The following RUFY3 variants were observed in gnomAD, a reference collection of about 807,000 sequenced individuals.
RUFY3 encodes RUN and FYVE domain containing 3, also known as protein RUFY3.
A neutral mutation model predicts 84.0 loss-of-function variants in RUFY3; 34 were observed. That is an observed-to-expected ratio of 0.40 (90% CI 0.31 to 0.54). The LOEUF (loss-of-function observed/expected upper bound fraction) is 0.54, where lower values mean the gene tolerates loss of function less well. Ranked by LOEUF, RUFY3 falls within the 20% of genes least tolerant of loss-of-function variation. RUFY3 has a pLI of 0.39. For synonymous variants in RUFY3, 242 were observed against 252.9 expected (o/e 0.96, Z 0.41); for missense variants, 507 against 736.8 (o/e 0.69, Z 3.61).
intron 1 of RUFY3, among the ~76,000 whole-genome samples, chr4:70,741,162 A>AT (rs767040156): frequency 0.066 from 9,414 of 143,110 alleles, 734 homozygotes; most frequent in African/African-American, 0.19. Flanking sequence ...AAGTATTTGG[A>AT]TTTTTTTTTT....
intron 5 of RUFY3, among the ~76,000 whole-genome samples, chr4:70,769,787 C>G (rs1424408915): frequency 6.6e-6 from 1 of 152,058 alleles, no homozygotes; most frequent in Non-Finnish European, 1.5e-5. Flanking sequence ...GATGTGCTGT[C>G]TTTGTTGTAC....
Position 70,806,936 on chromosome 4 carries a change from A to G in RUFY3, c.*277A>G, listed in dbSNP as rs1043903. 117,155 of 268,396 alleles carry G rather than the reference A, an allele frequency of 0.44. 28,250 individuals carry two copies. Among genetic ancestry groups the G allele is most frequent in the African/African-American group, 0.72 (32,950 of 45,506 alleles). The allele number at this position is 268,396 out of a possible 1,614,324, so 16.6% of individuals were successfully genotyped here. ...TTTGCTTTATAGCATATCTTTGGAA[A>G]GGCAACTCATTTTTATGATTAGTGA... On this transcript the variant is annotated 3_prime_UTR_variant, in exon 18 of 18. Coordinates refer to ENST00000381006, the MANE Select transcript of RUFY3 (RefSeq NM_001037442.4).
intron 6 of RUFY3, among the ~76,000 whole-genome samples, chr4:70,774,644 A>AAAAAAT (rs1553916771): frequency 2.5e-4 from 14 of 56,662 alleles, no homozygotes; most frequent in East Asian, 6.4e-4. Flanking sequence ...AAAAAAAAAA[A>AAAAAAT]ATATATATAT....
chr4:70,772,712 G>A (rs1727171428), intron 5 of RUFY3, among the ~76,000 whole-genome samples: 2 of 151,650 alleles, frequency 1.3e-5, no homozygotes, highest in African/African-American at 4.8e-5. Flanking sequence ...CCAGGCTGGA[G>A]TGCAATGGTG....
intron 7 of RUFY3, among the ~76,000 whole-genome samples, chr4:70,776,690 G>T (rs567729013): frequency 2.6e-5 from 4 of 152,268 alleles, no homozygotes; most frequent in Non-Finnish European, 5.9e-5. Context: ...GCAGGAGAAC[G>T]GCGTGAACCC....
intron 4 of RUFY3, among the ~76,000 whole-genome samples, chr4:70,765,209 G>GTATATATA (rs59630867): frequency 1.5e-5 from 2 of 137,216 alleles, no homozygotes; most frequent in South Asian, 2.3e-4. Flanking sequence ...AAAAAAATGT[G>GTATATATA]TATATATATA....
chr4:70,791,123 CT>C, intron 12 of RUFY3: 2 of 837,404 alleles, frequency 2.4e-6, no homozygotes, highest in Non-Finnish European at 3.8e-6. Context: ...TGACTTATCT[CT>C]TTGAGTATTA....
At chr4:70,715,900 T>G (rs1047654839) in intron 1 of RUFY3, among the ~76,000 whole-genome samples, 3 of 151,990 alleles carry the variant, frequency 2.0e-5, no homozygotes, top group Non-Finnish European at 4.4e-5. Flanking sequence ...GATCACGAGG[T>G]CAGGAGATCA....
At chr4:70,768,424 G>T in intron 4 of RUFY3, 114 bp from the exon 5 acceptor site, 4 of 843,932 alleles carry the variant, frequency 4.7e-6, no homozygotes, top group Non-Finnish European at 5.3e-6. Flanking sequence ...TTTGTAGATG[G>T]CTATAATCAA....
chr4:70,780,075 A>G (rs1369222702), intron 8 of RUFY3, among the ~76,000 whole-genome samples: 2 of 152,092 alleles, frequency 1.3e-5, no homozygotes, highest in African/African-American at 4.8e-5. Context: ...AAATTTTTAA[A>G]TTTTATATAT....
intron 1 of RUFY3, chr4:70,734,320 G>C (rs1265068161): frequency 2.7e-6 from 2 of 747,408 alleles, no homozygotes; most frequent in Non-Finnish European, 3.3e-6. Context: ...ATTGTTCTTT[G>C]CTTTCACTGT....
At chr4:70,706,976 G>C (rs933498407) in intron 1 of RUFY3, among the ~76,000 whole-genome samples, 1 of 152,210 alleles carries the variant, frequency 6.6e-6, no homozygotes, top group African/African-American at 2.4e-5. Flanking sequence ...AAAGAAGACT[G>C]TCATTTCTCT....
chr4:70,730,572 C>CAAAAAAAAAAAAA (rs796173421), intron 1 of RUFY3, among the ~76,000 whole-genome samples: 12 of 106,548 alleles, frequency 1.1e-4, no homozygotes, highest in African/African-American at 1.7e-4. Flanking sequence ...ACTAAAAATA[C>CAAAAAAAAAAAAA]AAAAAAAAAA....
chr4:70,724,510 T>C (rs1423666974), intron 1 of RUFY3, among the ~76,000 whole-genome samples: 3 of 152,210 alleles, frequency 2.0e-5, no homozygotes, highest in Admixed American at 2.0e-4. Flanking sequence ...GAATTCTTCA[T>C]AGAGAAATCT....
At chr4:70,734,948 A>C (rs1720041510) in intron 1 of RUFY3, among the ~76,000 whole-genome samples, 1 of 152,210 alleles carries the variant, frequency 6.6e-6, no homozygotes, top group Non-Finnish European at 1.5e-5. Flanking sequence ...AACAGAACTC[A>C]CATTAACTCT....
chr4:70,753,936 A>G (rs1723554979), intron 1 of RUFY3, among the ~76,000 whole-genome samples: 1 of 152,220 alleles, frequency 6.6e-6, no homozygotes, highest in Non-Finnish European at 1.5e-5. Flanking sequence ...AATTGGCTCC[A>G]TGGATGAGTA....
At chr4:70,733,159 AG>A (rs1560464341) in intron 1 of RUFY3, among the ~76,000 whole-genome samples, 10 of 146,302 alleles carry the variant, frequency 6.8e-5, no homozygotes, top group African/African-American at 2.2e-4. Context: ...AGAGAGAGAG[AG>A]AGAGAGAAAG....
chr4:70,710,782 G>A (rs1020941411), intron 1 of RUFY3, among the ~76,000 whole-genome samples: 2 of 151,166 alleles, frequency 1.3e-5, no homozygotes, highest in Non-Finnish European at 2.9e-5. Flanking sequence ...ATGTCAATGG[G>A]CCAGGCATGG....
intron 6 of RUFY3, among the ~76,000 whole-genome samples, chr4:70,774,871 A>G (rs1727654982): frequency 6.6e-6 from 1 of 151,728 alleles, no homozygotes; most frequent in Non-Finnish European, 1.5e-5. Context: ...GAAAATTTTT[A>G]TCCTTTAAAT....
Sources: allele counts gnomAD v4.1 joint callset (sites outside exome capture counted in the v4.1 genomes callset), GRCh38; gene constraint gnomAD v4.1.1; transcripts MANE v1.5; gene names NCBI Gene and HGNC (gene_info 2026-07-23, HGNC 2026-07-21).